The following GRM5 variants were observed in gnomAD, a reference collection of about 807,000 sequenced individuals.
GRM5 encodes metabotropic glutamate receptor 5.
Under a neutral mutation model 83.1 loss-of-function variants are expected in GRM5, and 19 were observed. The observed-to-expected ratio is 0.23, with a 90% confidence interval of 0.16 to 0.34. The LOEUF (loss-of-function observed/expected upper bound fraction) is 0.34, where lower values mean the gene tolerates loss of function less well. Among genes scored for constraint, GRM5 ranks in the 10% least tolerant of loss-of-function variants. GRM5 has a pLI of 1.00. For missense variants in GRM5, 1,160 were observed against 1,588.3 expected, an observed-to-expected ratio of 0.73 and a Z score of 4.58; for synonymous variants, 675 against 633.6, an observed-to-expected ratio of 1.07 and a Z score of -0.98.
At chr11:89,060,355 G>C (rs1223328905) in intron 1 of GRM5, among the ~76,000 whole-genome samples, 2 of 151,780 alleles carry the variant, frequency 1.3e-5, no homozygotes, top group South Asian at 4.2e-4. Flanking sequence ...TGGGGGATGG[G>C]TTATGGCAGT....
intron 2 of GRM5, among the ~76,000 whole-genome samples, chr11:88,949,232 G>A (rs1016922703): frequency 2.0e-4 from 30 of 152,200 alleles, no homozygotes; most frequent in Non-Finnish European, 4.0e-4. Context: ...GTTTCACCAT[G>A]AGCTCACATT....
intron 3 of GRM5, among the ~76,000 whole-genome samples, chr11:88,830,549 C>G (rs1047967308): frequency 1.3e-5 from 2 of 152,110 alleles, no homozygotes; most frequent in Non-Finnish European, 2.9e-5. Context: ...CCTTCTCTGC[C>G]AGGAGCCAGG....
At chr11:88,596,890 A>T (rs935703658) in intron 6 of GRM5, among the ~76,000 whole-genome samples, 1 of 152,080 alleles carries the variant, frequency 6.6e-6, no homozygotes, top group Non-Finnish European at 1.5e-5. Context: ...ATAAATTAGA[A>T]TTAGTGTCTT....
intron 3 of GRM5, among the ~76,000 whole-genome samples, chr11:88,723,595 G>C (rs1364384813): frequency 6.6e-6 from 1 of 151,814 alleles, no homozygotes; most frequent in Non-Finnish European, 1.5e-5. Context: ...TAAGCTACAT[G>C]AGTTCTACAA....
intron 2 of GRM5, among the ~76,000 whole-genome samples, chr11:88,941,398 G>A (rs1938085839): frequency 3.2e-4 from 13 of 40,860 alleles, no homozygotes; most frequent in Admixed American, 3.2e-3. Context: ...AAAGAGAAGA[G>A]GAGAAGAGAA....
intron 2 of GRM5, among the ~76,000 whole-genome samples, chr11:88,903,879 G>A (rs1203601347): frequency 6.6e-6 from 1 of 152,060 alleles, no homozygotes; most frequent in Non-Finnish European, 1.5e-5. Context: ...AATTATACTT[G>A]CATTCCATAT....
At chr11:88,637,374 A>G (rs946479724) in intron 4 of GRM5, among the ~76,000 whole-genome samples, 3 of 151,672 alleles carry the variant, frequency 2.0e-5, no homozygotes, top group African/African-American at 7.3e-5. Flanking sequence ...GGCAACCTAC[A>G]AAATGGGAGA....
intron 2 of GRM5, among the ~76,000 whole-genome samples, chr11:89,001,860 G>T (rs1940393282): frequency 6.6e-6 from 1 of 152,040 alleles, no homozygotes; most frequent in Admixed American, 6.6e-5. Context: ...TCATAATTAT[G>T]TCAACAAAAA....
chr11:88,541,616 A>G (rs377284241), intron 8 of GRM5, among the ~76,000 whole-genome samples: 8 of 152,354 alleles, frequency 5.3e-5, no homozygotes, highest in East Asian at 1.9e-4. Flanking sequence ...GTTAATTAAC[A>G]TGGATTTTAT....
intron 5 of GRM5, among the ~76,000 whole-genome samples, chr11:88,598,961 T>A (rs1937898683): frequency 6.6e-6 from 1 of 152,226 alleles, no homozygotes; most frequent in Non-Finnish European, 1.5e-5. Flanking sequence ...TAGTACAGAT[T>A]ACAGAGTATG....
chr11:88,949,555 T>C (rs891324677), intron 2 of GRM5, among the ~76,000 whole-genome samples: 10 of 152,340 alleles, frequency 6.6e-5, no homozygotes, highest in African/African-American at 1.4e-4. Context: ...AGATTAATGA[T>C]TGAGACTGAG....
chr11:89,038,672 A>C (rs1363153426), intron 2 of GRM5, among the ~76,000 whole-genome samples: 1 of 152,192 alleles, frequency 6.6e-6, no homozygotes, highest in East Asian at 1.9e-4. Context: ...AGCTAGATAA[A>C]AAGACACAAA....
At chr11:88,985,441 T>G (rs1939673228) in intron 2 of GRM5, among the ~76,000 whole-genome samples, 1 of 152,094 alleles carries the variant, frequency 6.6e-6, no homozygotes, top group South Asian at 2.1e-4. Context: ...AGGCACAATT[T>G]ATTGTCTGTG....
chr11:89,028,153 T>TGTGGTA (rs1941174753), intron 2 of GRM5, among the ~76,000 whole-genome samples: 1 of 152,208 alleles, frequency 6.6e-6, no homozygotes, highest in Admixed American at 6.5e-5. Flanking sequence ...TAATCCAGTC[T>TGTGGTA]GTGGTAGTCT....
At chr11:88,811,476 G>A (rs1943587706) in intron 3 of GRM5, among the ~76,000 whole-genome samples, 1 of 152,108 alleles carries the variant, frequency 6.6e-6, no homozygotes, top group Non-Finnish European at 1.5e-5. Flanking sequence ...ATGACCCTGG[G>A]TTCTTTTAGA....
chr11:88,722,663 A>AT, intron 3 of GRM5, among the ~76,000 whole-genome samples: 1 of 152,206 alleles, frequency 6.6e-6, no homozygotes, highest in Middle Eastern at 3.4e-3. Flanking sequence ...TTTTGTTTGG[A>AT]TTTTCCAGCA....
chr11:88,658,329 A>G (rs1481655264), intron 3 of GRM5, among the ~76,000 whole-genome samples: 1 of 152,152 alleles, frequency 6.6e-6, no homozygotes, highest in Admixed American at 6.6e-5. Context: ...AAAGTGGCAC[A>G]TGTTATTTCT....
chr11:89,037,064 G>A (rs1360974395), intron 2 of GRM5, among the ~76,000 whole-genome samples: 6 of 151,578 alleles, frequency 4.0e-5, no homozygotes, highest in Non-Finnish European at 5.9e-5. Context: ...CTTATTACAC[G>A]TAGTGCACAT....
Position 88,508,691 on chromosome 11 carries a change from G to A in GRM5, c.3540C>T (p.Pro1180=), listed in dbSNP as rs1941251192. The change falls in exon 10 of 10, where the codon CCC becomes CCT. Residue 1180 remains proline (P), a synonymous_variant. Coordinates refer to ENST00000305447, the MANE Select transcript of GRM5 (RefSeq NM_001143831.3). The surrounding 1 kb of genome is among the most constrained non-coding windows in gnomAD (Gnocchi z 4.2). ...RDSVDSGSTT[P]NSPVSESALC... ...GGGCCGACTCGGACACTGGCGAGTTGGGGGTTGTGCTCCCCGAGTCCACCG... is the reference window on the plus strand; with the variant it reads ...GGGCCGACTCGGACACTGGCGAGTTAGGGGTTGTGCTCCCCGAGTCCACCG... 1 of 1,606,342 alleles carries A rather than the reference G, an allele frequency of 6.2e-7. No individual in the cohort carries two copies. Among genetic ancestry groups the A allele is most frequent in the African/African-American group, 1.4e-5 (1 of 73,806 alleles).
Sources: allele counts gnomAD v4.1 joint callset (sites outside exome capture counted in the v4.1 genomes callset), GRCh38; gene constraint gnomAD v4.1.1; non-coding constraint Gnocchi (gnomAD v3.1); transcripts MANE v1.5; gene names NCBI Gene and HGNC (gene_info 2026-07-23, HGNC 2026-07-21).